Variants in ITGA11 observed in about 807,000 individuals in gnomAD.
The protein encoded by ITGA11 is integrin subunit alpha 11.
A neutral mutation model predicts 141.9 loss-of-function variants in ITGA11; 97 were observed. The ratio of observed to expected loss-of-function variants is 0.68; its 90% confidence interval spans 0.58 to 0.81. The LOEUF (loss-of-function observed/expected upper bound fraction) is 0.81, where lower values mean the gene tolerates loss of function less well. Among genes scored for constraint, ITGA11 ranks in the 30% least tolerant of loss-of-function variants. The pLI is 0.00. For synonymous variants in ITGA11, 658 were observed against 624.6 expected (o/e 1.05, Z -0.80); for missense variants, 1,387 against 1,559.2 (o/e 0.89, Z 1.86).
rs1299684269 is a variant in ITGA11, at chr15:68,298,645, A to G, written c.*4414T>C. 5 of 150,960 alleles carry G rather than the reference A, an allele frequency of 3.3e-5. No individual in the cohort carries two copies. The highest frequency in any genetic ancestry group is 3.3e-4 in the Admixed American group (5 of 15,154). The allele number at this position is 150,960 out of a possible 1,614,324, so 9.4% of individuals were successfully genotyped here. ...TGTCTCAAAAATAAAAATAAGAAAG[A>G]TGGACTCTGTCCTTGATAAGCTTGT... On this transcript the variant is annotated 3_prime_UTR_variant, in exon 30 of 30. Transcript: ENST00000315757.
At position 68,315,250 on chromosome 15, in the gene ITGA11, CTCTTT is replaced by C. The variant is rs796523389; in HGVS notation, c.2792+396_2792+400del. On this transcript the variant is annotated intron_variant, in intron 22 of 29. Transcript: ENST00000315757. Reference sequence around the variant, plus strand: ...AAATTCACTCACCCTCTCTGAGCCTCTCTTTTCTTAACTTGGAAGATGGTGTGTGG... The same window carrying C: ...AAATTCACTCACCCTCTCTGAGCCTCTCTTAACTTGGAAGATGGTGTGTGG... Among the ~76,000 whole-genome samples, 36 of 152,318 alleles carry C rather than the reference CTCTTT, an allele frequency of 2.4e-4. 1 individual carries two copies. The highest frequency in any genetic ancestry group is 8.7e-4 in the African/African-American group (36 of 41,564).
At chr15:68,339,729 G>A (rs1356594725) in intron 10 of ITGA11, 85 bp from the exon 11 acceptor site, 4 of 1,491,200 alleles carry the variant, frequency 2.7e-6, no homozygotes, top group Admixed American at 1.7e-5. Flanking sequence ...GACCAGTGAC[G>A]CCTCCACCAG....
At position 68,302,086 on chromosome 15, in the gene ITGA11, GTGTGTGTGTGTGTGTGTGTGTGTGTGTGT is replaced by G. The variant is rs1893049509; in HGVS notation, c.*944_*972del. ...TGTGTGTGTGTGTGTGTGTGTGTGT[GTGTGTGTGTGTGTGTGTGTGTGTGTGTGT>G]AGGGAGGGGGTGATACAGGGAGGGG... On this transcript the variant is annotated 3_prime_UTR_variant, in exon 30 of 30. Coordinates refer to ENST00000315757, the MANE Select transcript of ITGA11 (RefSeq NM_001004439.2). 1.3e-5 allele frequency: 1 copy of G among 74,700 alleles called. No homozygotes were observed. Among genetic ancestry groups the G allele is most frequent in the Non-Finnish European group, 3.2e-5 (1 of 31,670 alleles). 4.6% of individuals were successfully genotyped at this position (74,700 alleles called of 1,614,324 possible).
chr15:68,356,224 T>G (rs1297432591), intron 7 of ITGA11, among the ~76,000 whole-genome samples: 1 of 152,076 alleles, frequency 6.6e-6, no homozygotes, highest in Admixed American at 6.5e-5. Context: ...GCCTCCCAAG[T>G]AGCTGGGACT....
At position 68,324,629 on chromosome 15, in the gene ITGA11, T is replaced by C. The variant is rs1268361622; in HGVS notation, c.2322+502A>G. 1.3e-5 allele frequency among the ~76,000 whole-genome samples: 2 copies of C among 152,074 alleles called. No individual in the cohort carries two copies. Among genetic ancestry groups the C allele is most frequent in the African/African-American group, 4.8e-5 (2 of 41,406 alleles). The stretch of plus-strand genomic sequence containing the variant: ...GGGATTAGAAAATGTGGCTGAGGGA[T>C]GGGGCCGCTTCTTTTTGGAATGCTT... On this transcript the variant is annotated intron_variant, in intron 18 of 29. Transcript: ENST00000315757. This position sits in a 1 kb window ranked among gnomAD's most constrained non-coding sequence, Gnocchi z 6.3.
chr15:68,315,453 A>AG (rs1893539058), intron 22 of ITGA11, among the ~76,000 whole-genome samples, 198 bp downstream of exon 22: 1 of 152,238 alleles, frequency 6.6e-6, no homozygotes, highest in Non-Finnish European at 1.5e-5. Flanking sequence ...GTGGCAACAC[A>AG]GGGGGCAGCA....
chr15:68,333,901 C>T lies in ITGA11; in HGVS notation c.1426-1423G>A, dbSNP rs1894261159. On this transcript the variant is annotated intron_variant, in intron 12 of 29. Coordinates refer to ENST00000315757, the MANE Select transcript of ITGA11 (RefSeq NM_001004439.2). This position sits in a 1 kb window ranked among gnomAD's most constrained non-coding sequence, Gnocchi z 4.2. ...TTTCTCTTCTCCAAAGGCCCCAGGC[C>T]TTGGCTGGCTTCCAGGCTTCCCTCT... 6.6e-6 allele frequency among the ~76,000 whole-genome samples: 1 copy of T among 152,236 alleles called. No individual in the cohort carries two copies. The highest frequency in any genetic ancestry group is 1.5e-5 in the Non-Finnish European group (1 of 68,040).
chr15:68,365,976 G>A (rs1212733434), intron 3 of ITGA11, among the ~76,000 whole-genome samples: 1 of 152,206 alleles, frequency 6.6e-6, no homozygotes, highest in Non-Finnish European at 1.5e-5. Flanking sequence ...AGGAGTCTGG[G>A]GGTGGGCCGC....
Position 68,297,432 on chromosome 15 carries a change from C to CTTTTTTTTT in ITGA11, c.*5618_*5626dup, listed in dbSNP as rs35780086. Reference sequence around the variant, plus strand: ...ATCTGTACAGTTCTGCACTTCTGAGCTTTTTTTTTTTTTTTTTTTTTATCC... The same window carrying CTTTTTTTTT: ...ATCTGTACAGTTCTGCACTTCTGAGCTTTTTTTTTTTTTTTTTTTTTTTTTTTTTTATCC... On this transcript the variant is annotated 3_prime_UTR_variant, in exon 30 of 30. Transcript: ENST00000315757. 6 of 95,826 alleles carry CTTTTTTTTT rather than the reference C, an allele frequency of 6.3e-5. 1 individual carries two copies. The highest frequency in any genetic ancestry group is 1.0e-4 in the Non-Finnish European group (5 of 49,446). The allele number at this position is 95,826 out of a possible 1,614,324, so 5.9% of individuals were successfully genotyped here.
Position 68,322,035 on chromosome 15 carries a change from C to T in ITGA11, c.2323-532G>A, listed in dbSNP as rs563059935. On this transcript the variant is annotated intron_variant, in intron 18 of 29. Coordinates refer to ENST00000315757, the MANE Select transcript of ITGA11 (RefSeq NM_001004439.2). This position sits in a 1 kb window ranked among gnomAD's most constrained non-coding sequence, Gnocchi z 5.6. ...GACAGGGGATCAGAGTTCTGAAGGA[C>T]GGTCAAGGTAGCTGTGTGGACCGGG... Among the ~76,000 whole-genome samples the T allele has an allele frequency of 7.2e-5, 11 of 152,296 alleles. No homozygotes were observed. In the South Asian group the frequency reaches 1.7e-3, roughly 23 times the overall value.
chr15:68,372,195 C>T (rs775533657), intron 2 of ITGA11, among the ~76,000 whole-genome samples: 5 of 152,186 alleles, frequency 3.3e-5, no homozygotes, highest in African/African-American at 7.2e-5. Context: ...CTGGGCATTA[C>T]GTGTGCCTGT....
chr15:68,401,188 T>G (rs1896500556), intron 2 of ITGA11, among the ~76,000 whole-genome samples: 1 of 151,448 alleles, frequency 6.6e-6, no homozygotes. Context: ...ATGACTAAAA[T>G]TAAAATGACT....
At position 68,357,132 on chromosome 15, in the gene ITGA11, T is replaced by G; in HGVS notation, c.749+19A>C. On this transcript the variant is annotated intron_variant, in intron 7 of 29. Transcript: ENST00000315757. ...ATCTGAGATCTAAAAAAATTTTTTT[T>G]GTTCTACTTTTTTTTTACCGTGCAA... The G allele has an allele frequency of 6.2e-7, 1 of 1,604,004 alleles. No homozygotes were observed. The highest frequency in any genetic ancestry group is 8.5e-7 in the Non-Finnish European group (1 of 1,176,944).
intron 2 of ITGA11, among the ~76,000 whole-genome samples, chr15:68,381,525 ATCT>A (rs1201107228): frequency 6.6e-6 from 1 of 151,732 alleles, no homozygotes; most frequent in East Asian, 1.9e-4. Context: ...CTTTGACCTA[ATCT>A]TCTCAATCCT....
intron 1 of ITGA11, among the ~76,000 whole-genome samples, chr15:68,416,880 C>T (rs1318783620): frequency 6.6e-6 from 1 of 152,194 alleles, no homozygotes; most frequent in African/African-American, 2.4e-5. Context: ...CGCACCACTG[C>T]ACTCCAAACC....
intron 2 of ITGA11, among the ~76,000 whole-genome samples, chr15:68,370,392 C>G (rs148216883): frequency 0.011 from 1,730 of 152,260 alleles, 39 homozygotes; most frequent in African/African-American, 0.039. Flanking sequence ...AGAGTTCTAC[C>G]TCAGACTGGA....
chr15:68,351,168 T>G, intron 8 of ITGA11, 90 bp downstream of exon 8: 1 of 1,396,546 alleles, frequency 7.2e-7, no homozygotes, highest in Non-Finnish European at 9.7e-7. Flanking sequence ...CTTGTGATAC[T>G]GCCTGGAACT....
In ITGA11 at chr15:68,324,156, G is replaced by A. The variant is rs944089583; in HGVS notation, c.2322+975C>T. 1.3e-5 allele frequency among the ~76,000 whole-genome samples: 2 copies of A among 152,076 alleles called. No homozygotes were observed. The highest frequency in any genetic ancestry group is 2.9e-5 in the Non-Finnish European group (2 of 68,030). ...GGAGAAAGAGGGGAGGTGTGAGGACGGAGGTTTGGCAGGGGACTGTGGGAG... is the reference window on the plus strand; with the variant it reads ...GGAGAAAGAGGGGAGGTGTGAGGACAGAGGTTTGGCAGGGGACTGTGGGAG... On this transcript the variant is annotated intron_variant, in intron 18 of 29. Transcript: ENST00000315757. The surrounding 1 kb of genome is among the most constrained non-coding windows in gnomAD (Gnocchi z 6.3).
intron 11 of ITGA11, among the ~76,000 whole-genome samples, chr15:68,338,797 C>A (rs1894457611): frequency 6.6e-6 from 1 of 152,244 alleles, no homozygotes; most frequent in African/African-American, 2.4e-5. Context: ...AGTAACTTCA[C>A]AGACAGTGGA....
Sources: gnomAD v4.1 joint callset for allele counts (sites outside exome capture counted in the v4.1 genomes callset) on GRCh38, gnomAD v4.1.1 for gene constraint, Gnocchi (gnomAD v3.1) non-coding constraint, MANE v1.5 for transcripts, NCBI Gene and HGNC (gene_info 2026-07-23, HGNC 2026-07-21) for gene names.